DVL1: variants seen among roughly 807,000 people sequenced by gnomAD.
DVL1 encodes segment polarity protein dishevelled homolog DVL-1.
A neutral mutation model predicts 65.0 loss-of-function variants in DVL1; 49 were observed. The observed-to-expected ratio is 0.75, with a 90% CI of 0.60 to 0.96. The LOEUF (loss-of-function observed/expected upper bound fraction) is 0.96, where lower values mean the gene tolerates loss of function less well. Ranked by LOEUF, DVL1 falls within the 40% of genes least tolerant of loss-of-function variation. The pLI is 0.00. For synonymous variants in DVL1, 608 were observed against 433.9 expected (o/e 1.40, Z -4.99); for missense variants, 1,197 against 1,045.4 (o/e 1.15, Z -2.00).
At chr1:1,345,630 C>G (rs553245231) in intron 1 of DVL1, among the ~76,000 whole-genome samples, 3 of 152,170 alleles carry the variant, frequency 2.0e-5, no homozygotes, top group Non-Finnish European at 4.4e-5. Context: ...AGACCCGCCC[C>G]GGGGAGGAAT....
chr1:1,341,204 T>C (rs1413386395), intron 5 of DVL1, among the ~76,000 whole-genome samples: 1 of 150,012 alleles, frequency 6.7e-6, no homozygotes, highest in African/African-American at 2.5e-5. Context: ...CACGCACACC[T>C]GCACACACGC....
chr1:1,342,444 T>A lies in DVL1; in HGVS notation c.281A>T (p.Gln94Leu), dbSNP rs1039856393. 4.4e-6 allele frequency: 7 copies of A among 1,606,142 alleles called. No individual in the cohort carries two copies. In the African/African-American group the frequency reaches 6.7e-5, roughly 15 times the overall value. ...CAGGTCTGTGTGGCTGTCCGTGCCCTGGGACCCCGCATCCGAGTGAGCACC... is the reference window on the plus strand; with the variant it reads ...CAGGTCTGTGTGGCTGTCCGTGCCCAGGGACCCCGCATCCGAGTGAGCACC... ...AEGAHSDAGSQGTDSHTDLPP... is the reference protein window; with the variant it reads ...AEGAHSDAGSLGTDSHTDLPP... The change falls in exon 3 of 15, where the codon CAG (glutamine) becomes CTG (leucine). Residue 94 changes from glutamine to leucine, a missense_variant. By Grantham distance (113) the Gln-to-Leu change is moderately radical (BLOSUM62 -2). Coordinates refer to ENST00000378888, the MANE Select transcript of DVL1 (RefSeq NM_001330311.2).
chr1:1,338,961 G>A (rs1309779617), intron 11 of DVL1, among the ~76,000 whole-genome samples: 7 of 152,150 alleles, frequency 4.6e-5, no homozygotes, highest in East Asian at 1.9e-4. Flanking sequence ...TCCCCTCCCC[G>A]CATGCCCCAC....
chr1:1,341,139 A>G (rs1643805763), intron 5 of DVL1, among the ~76,000 whole-genome samples: 1 of 145,840 alleles, frequency 6.9e-6, no homozygotes, highest in Non-Finnish European at 1.5e-5. Context: ...GCACACCTGC[A>G]CGCACACCTT....
At position 1,336,465 on chromosome 1, in the gene DVL1, C is replaced by T; in HGVS notation, c.1765G>A (p.Glu589Lys). The T allele has an allele frequency of 1.3e-6, 2 of 1,563,822 alleles. No homozygotes were observed. Among genetic ancestry groups the T allele is most frequent in the South Asian group, 1.2e-5 (1 of 85,682 alleles). ...TRSSRRAPGREKERRAAGAGG... is the reference protein window; with the variant it reads ...TRSSRRAPGRKKERRAAGAGG... ...GCTCCCGCCGCCCGACGCTCCTTCT[C>T]ACGGCCCGGGGCCCGGCGGCTGCTC... Residue 589 changes from glutamate (E) to lysine (K), a missense_variant, in exon 15 of 15, where the codon GAG (glutamate) becomes AAG (lysine). Glu to Lys is a moderately conservative substitution (Grantham distance 56). Coordinates refer to ENST00000378888, the MANE Select transcript of DVL1 (RefSeq NM_001330311.2).
rs776056866 is a variant in DVL1 at position 1,339,586 on chromosome 1, T to G, written c.1050A>C (p.Pro350=). 1 of 1,606,386 alleles carries G rather than the reference T, an allele frequency of 6.2e-7. No homozygotes were observed. Among genetic ancestry groups the G allele is most frequent in the Non-Finnish European group, 8.5e-7 (1 of 1,176,180 alleles). ...TGTGCCCCGAGGGCCACTCACCCCGTGGGACGGTGAAGTAGCTTCGGGGCG... is the reference window on the plus strand; with the variant it reads ...TGTGCCCCGAGGGCCACTCACCCCGGGGGACGGTGAAGTAGCTTCGGGGCG... ...DPTPRSYFTV[P]RADPVRPIDP... The change falls in exon 10 of 15, where the codon CCA becomes CCC. Residue 350 remains proline, a synonymous_variant. Coordinates refer to ENST00000378888, the MANE Select transcript of DVL1 (RefSeq NM_001330311.2).
chr1:1,346,199 C>T (rs1397423144), intron 1 of DVL1, among the ~76,000 whole-genome samples: 1 of 152,144 alleles, frequency 6.6e-6, no homozygotes, highest in Non-Finnish European at 1.5e-5. Context: ...ACAGCACCAC[C>T]CAGGACACAA....
rs186806059 is a variant in DVL1 at position 1,338,494 on chromosome 1, C to T, written c.1339+28G>A. 0.02 allele frequency: 32,701 copies of T among 1,611,388 alleles called. 426 individuals carry two copies. Among genetic ancestry groups the T allele is most frequent in the Non-Finnish European group, 0.025 (29,512 of 1,179,054 alleles). On this transcript the variant is annotated intron_variant, in intron 12 of 14. Coordinates refer to ENST00000378888, the MANE Select transcript of DVL1 (RefSeq NM_001330311.2). ...GAGGCAAGCAGCCCTGCCCCTGGCA[C>T]TATCCGCCCGCGGGGACGGCCACTC... is the stretch of plus-strand genomic sequence containing the variant.
chr1:1,345,850 C>T (rs1483286115), intron 1 of DVL1, among the ~76,000 whole-genome samples: 5 of 152,120 alleles, frequency 3.3e-5, no homozygotes, highest in Admixed American at 1.3e-4. Flanking sequence ...CCCCTGTGCA[C>T]GCCCCAGGTC....
rs1427783029 is a variant in DVL1 at position 1,349,341 on chromosome 1, C to T, written c.-276G>A. On this transcript the variant is annotated 5_prime_UTR_variant, in exon 1 of 15. Transcript: ENST00000378888. This position sits in a 1 kb window ranked among gnomAD's most constrained non-coding sequence, Gnocchi z 4.1. ...ACGCAGCACGGAGGGCGCGCTCAGC[C>T]CCGCCGCCCTCCCGCCTGCGCCCCT... The T allele has an allele frequency of 6.9e-6, 1 of 145,452 alleles. No homozygotes were observed. Among genetic ancestry groups the T allele is most frequent in the Non-Finnish European group, 1.5e-5 (1 of 65,482 alleles). 9.0% of individuals were successfully genotyped at this position (145,452 alleles called of 1,614,324 possible).
At chr1:1,337,059 G>A (rs1643601755) in intron 14 of DVL1, 4 of 988,498 alleles carry the variant, frequency 4.0e-6, no homozygotes, top group Non-Finnish European at 3.6e-6. Flanking sequence ...TCTAAGGCTT[G>A]TTTAGCACAA....
In DVL1 at chr1:1,340,232, G is replaced by C; in HGVS notation, c.769+15C>G. 1 of 1,613,808 alleles carries C rather than the reference G, an allele frequency of 6.2e-7. No homozygotes were observed. The highest frequency in any genetic ancestry group is 8.5e-7 in the Non-Finnish European group (1 of 1,179,972). The stretch of plus-strand genomic sequence containing the variant: ...GCCCCTGCCCCTGCCCCCAACCCTC[G>C]CCCCGAGGCCTCACCCATGTTGAGC... On this transcript the variant is annotated intron_variant, in intron 7 of 14. Coordinates refer to ENST00000378888, the MANE Select transcript of DVL1 (RefSeq NM_001330311.2).
Position 1,342,533 on chromosome 1 carries a change from G to A in DVL1, c.241-49C>T, listed in dbSNP as rs775248708. 9.4e-6 allele frequency: 15 copies of A among 1,591,358 alleles called. 1 individual carries two copies. Among genetic ancestry groups the A allele is most frequent in the Admixed American group, 6.8e-5 (4 of 58,638 alleles). The stretch of plus-strand genomic sequence containing the variant: ...AGGGGAGCCCACCCGCCTTCAGGAC[G>A]CCTCCTCAGGGCACCCAGGGAACAG... On this transcript the variant is annotated intron_variant, in intron 2 of 14. Coordinates refer to ENST00000378888, the MANE Select transcript of DVL1 (RefSeq NM_001330311.2).
intron 4 of DVL1, 33 bp from the exon 5 acceptor site, chr1:1,341,838 G>A (rs768846466): frequency 1.3e-6 from 2 of 1,544,702 alleles, no homozygotes; most frequent in Non-Finnish European, 1.8e-6. Context: ...ACTGACTGCA[G>A]GGTCTCCCAG....
chr1:1,343,373 C>T (rs113190394), intron 1 of DVL1, among the ~76,000 whole-genome samples: 8,910 of 152,194 alleles, frequency 0.059, 860 homozygotes, highest in African/African-American at 0.2. Flanking sequence ...ATTCCCTGTC[C>T]CTTGCCCCAG....
At chr1:1,347,768 G>C (rs974846836) in intron 1 of DVL1, among the ~76,000 whole-genome samples, 1 of 152,148 alleles carries the variant, frequency 6.6e-6, no homozygotes, top group African/African-American at 2.4e-5. Flanking sequence ...AACCTGACCG[G>C]AGCGGGCAGG....
chr1:1,341,177 ACACACGCACATCTG>A (rs1466361217), intron 5 of DVL1, among the ~76,000 whole-genome samples: 13 of 150,382 alleles, frequency 8.6e-5, no homozygotes, highest in Admixed American at 2.0e-4. Flanking sequence ...GCACACCTGC[ACACACGCACATCTG>A]CACACGCACA....
chr1:1,336,162 A>T lies in DVL1; in HGVS notation c.2068T>A (p.Phe690Ile), dbSNP rs1271221510. 1 of 1,575,974 alleles carries T rather than the reference A, an allele frequency of 6.3e-7. No homozygotes were observed. Among genetic ancestry groups the T allele is most frequent in the Admixed American group, 1.8e-5 (1 of 57,088 alleles). The change falls in exon 15 of 15, where the codon TTC becomes ATC. Residue 690 changes from phenylalanine (F) to isoleucine (I), a missense_variant. Coordinates refer to ENST00000378888, the MANE Select transcript of DVL1 (RefSeq NM_001330311.2). ...ACGAGTCACATGATGTCCACGAAGA[A>T]CTCGCAGGGGTTCCCCATAGCCTTC... ...FQKAMGNPCE[F>I]FVDIM
intron 5 of DVL1, among the ~76,000 whole-genome samples, chr1:1,341,224 C>T (rs1320975418): frequency 4.6e-5 from 7 of 151,984 alleles, no homozygotes; most frequent in African/African-American, 1.7e-4. Flanking sequence ...CACACGCACA[C>T]ATGCACACAC....
Sources: allele counts gnomAD v4.1 joint callset (sites outside exome capture counted in the v4.1 genomes callset), GRCh38; gene constraint gnomAD v4.1.1; non-coding constraint Gnocchi (gnomAD v3.1); transcripts MANE v1.5; gene names NCBI Gene and HGNC (gene_info 2026-07-23, HGNC 2026-07-21).